Variants in DPP8 observed in about 807,000 individuals in gnomAD.
The protein encoded by DPP8 is dipeptidyl peptidase 8.
In DPP8, 31 loss-of-function variants were observed where a neutral mutation model predicts 107.5. The observed-to-expected ratio is 0.29, with a 90% CI of 0.22 to 0.39. The LOEUF is 0.39. DPP8 is among the 10% of genes least tolerant of loss of function. The probability of loss-of-function intolerance (pLI) is 1.00; values close to 1 mark genes in which losing one functional copy is unlikely to be tolerated. For synonymous variants in DPP8, 381 were observed against 356.6 expected, an observed-to-expected ratio of 1.07 and a Z score of -0.77; for missense variants, 842 against 1,076.1, an observed-to-expected ratio of 0.78 and a Z score of 3.04.
At chr15:65,473,829 C>T (rs949497507) in intron 12 of DPP8, among the ~76,000 whole-genome samples, 5 of 152,052 alleles carry the variant, frequency 3.3e-5, no homozygotes, top group African/African-American at 9.7e-5. Flanking sequence ...GTCGGCTGGG[C>T]GCAGTGGCTC....
chr15:65,505,234 A>C (rs1484450007), intron 3 of DPP8, among the ~76,000 whole-genome samples: 1 of 152,006 alleles, frequency 6.6e-6, no homozygotes, highest in African/African-American at 2.4e-5. Flanking sequence ...GGGAGCCTGT[A>C]GTCCCAGCTA....
intron 19 of DPP8, among the ~76,000 whole-genome samples, chr15:65,449,019 C>G (rs2063766813): frequency 7.1e-6 from 1 of 141,416 alleles, no homozygotes; most frequent in Non-Finnish European, 1.5e-5. Context: ...ACCAGCCTAG[C>G]CAACATGGTG....
At chr15:65,471,660 A>AT (rs998785821) in intron 12 of DPP8, among the ~76,000 whole-genome samples, 3 of 151,484 alleles carry the variant, frequency 2.0e-5, no homozygotes, top group Non-Finnish European at 2.9e-5. Context: ...CTAATTTAAA[A>AT]TTTTTTTTGC....
intron 3 of DPP8, 68 bp from the exon 4 acceptor site, chr15:65,500,847 T>C (rs2069144361): frequency 1.0e-6 from 1 of 996,956 alleles, no homozygotes; most frequent in African/African-American, 1.6e-5. Flanking sequence ...AGCACTGAAA[T>C]CCTAGAATCT....
chr15:65,448,029 A>T (rs762902979), intron 19 of DPP8, among the ~76,000 whole-genome samples: 4 of 152,152 alleles, frequency 2.6e-5, no homozygotes, highest in African/African-American at 4.8e-5. Flanking sequence ...GAAGTATAAG[A>T]TCCACACTTT....
chr15:65,494,851 C>G (rs2068422353), intron 5 of DPP8, among the ~76,000 whole-genome samples: 1 of 152,050 alleles, frequency 6.6e-6, no homozygotes, highest in Non-Finnish European at 1.5e-5. Flanking sequence ...ATCCTATGCT[C>G]TAGATTTAGG....
chr15:65,499,177 A>G (rs893235258), intron 4 of DPP8, among the ~76,000 whole-genome samples: 2 of 151,708 alleles, frequency 1.3e-5, no homozygotes, highest in African/African-American at 2.4e-5. Context: ...ATGATCTTCC[A>G]AAACCTCCCT....
chr15:65,485,256 C>T (rs536825893), intron 7 of DPP8, 96 bp from the exon 8 acceptor site: 33 of 955,270 alleles, frequency 3.5e-5, no homozygotes, highest in Admixed American at 5.7e-5. Flanking sequence ...TTAAGAATAA[C>T]GTATAGGTCG....
chr15:65,454,061 C>G (rs2064195183), intron 17 of DPP8, among the ~76,000 whole-genome samples: 1 of 151,136 alleles, frequency 6.6e-6, no homozygotes, highest in Non-Finnish European at 1.5e-5. Context: ...TCACTTGAAC[C>G]CAGGGGCAGA....
chr15:65,472,943 T>C (rs1595936896), intron 12 of DPP8, among the ~76,000 whole-genome samples: 1 of 145,276 alleles, frequency 6.9e-6, no homozygotes, highest in African/African-American at 2.6e-5. Flanking sequence ...GAGGCTGAGG[T>C]GGGAGGAAGG....
At chr15:65,474,879 G>T (rs2066241564) in intron 11 of DPP8, among the ~76,000 whole-genome samples, 1 of 152,206 alleles carries the variant, frequency 6.6e-6, no homozygotes. Context: ...ATAATGGAAT[G>T]ATCTATTTAG....
At chr15:65,466,983 C>A in intron 13 of DPP8, 88 bp downstream of exon 13, 2 of 1,520,498 alleles carry the variant, frequency 1.3e-6, no homozygotes, top group Non-Finnish European at 8.9e-7. Flanking sequence ...TAGGCTTTTG[C>A]AGGCCAATTT....
At chr15:65,471,487 T>C (rs150639353) in intron 12 of DPP8, among the ~76,000 whole-genome samples, 145 of 150,574 alleles carry the variant, frequency 9.6e-4, no homozygotes, top group African/African-American at 3.2e-3. Flanking sequence ...ACTGGGACTA[T>C]AGGCATGCAC....
At chr15:65,492,402 C>T (rs989977188) in intron 5 of DPP8, among the ~76,000 whole-genome samples, 6 of 151,968 alleles carry the variant, frequency 3.9e-5, no homozygotes, top group Admixed American at 2.6e-4. Flanking sequence ...TAAATACCTA[C>T]GAGTAATATG....
intron 19 of DPP8, among the ~76,000 whole-genome samples, chr15:65,449,708 C>A (rs550472506): frequency 1.9e-4 from 29 of 152,236 alleles, no homozygotes; most frequent in Admixed American, 6.5e-4. Flanking sequence ...CTGCGACCGG[C>A]CCCATTTCAT....
intron 3 of DPP8, among the ~76,000 whole-genome samples, chr15:65,506,206 G>C (rs766160520): frequency 5.3e-5 from 8 of 151,864 alleles, no homozygotes; most frequent in Non-Finnish European, 1.0e-4. Context: ...GCGCATGCCT[G>C]TAATCCCAGC....
chr15:65,474,622 A>T (rs543080283), intron 11 of DPP8, among the ~76,000 whole-genome samples: 1 of 152,284 alleles, frequency 6.6e-6, no homozygotes, highest in South Asian at 2.1e-4. Flanking sequence ...CTAGAACTAG[A>T]CACCACTAAA....
intron 11 of DPP8, among the ~76,000 whole-genome samples, 180 bp from the exon 12 acceptor site, chr15:65,474,468 A>G (rs2066203828): frequency 6.6e-6 from 1 of 152,136 alleles, no homozygotes; most frequent in South Asian, 2.1e-4. Context: ...ATGCCACTGC[A>G]TTGTTTGTTT....
intron 15 of DPP8, among the ~76,000 whole-genome samples, chr15:65,459,991 A>AC: frequency 6.6e-6 from 1 of 152,182 alleles, no homozygotes; most frequent in South Asian, 2.1e-4. Context: ...ATTGGCTAAC[A>AC]TTTTTTAAAT....
Sources: allele counts gnomAD v4.1 joint callset (sites outside exome capture counted in the v4.1 genomes callset), GRCh38; gene constraint gnomAD v4.1.1; transcripts MANE v1.5; gene names NCBI Gene and HGNC (gene_info 2026-07-23, HGNC 2026-07-21).